Variants in KCNT2 observed in about 807,000 individuals in gnomAD.
KCNT2 encodes the protein potassium sodium-activated channel subfamily T member 2.
A neutral mutation model predicts 153.8 loss-of-function variants in KCNT2; 67 were observed. The observed-to-expected ratio is 0.44, with a 90% CI of 0.36 to 0.53. The LOEUF (loss-of-function observed/expected upper bound fraction) is 0.53. Ranked by LOEUF, KCNT2 falls within the 20% of genes least tolerant of loss-of-function variation. The pLI, the probability that KCNT2 is intolerant of heterozygous loss-of-function variation, is 0.00. For missense variants in KCNT2, 975 were observed against 1,354.8 expected (o/e 0.72, Z 4.40); for synonymous variants, 500 against 458.8 (o/e 1.09, Z -1.15).
intron 9 of KCNT2, among the ~76,000 whole-genome samples, 188 bp from the exon 10 acceptor site, chr1:196,428,457 A>T (rs1256477768): frequency 6.6e-6 from 1 of 152,070 alleles, no homozygotes; most frequent in Non-Finnish European, 1.5e-5. Flanking sequence ...AATGTCTCCC[A>T]GGGGCTTCGG....
chr1:196,304,705 T>C (rs1408374043), intron 22 of KCNT2, among the ~76,000 whole-genome samples: 1 of 152,172 alleles, frequency 6.6e-6, no homozygotes, highest in Non-Finnish European at 1.5e-5. Context: ...AATTCCATTG[T>C]CTCTATTAGC....
intron 8 of KCNT2, among the ~76,000 whole-genome samples, chr1:196,461,093 T>A (rs912946708): frequency 1.4e-4 from 21 of 151,748 alleles, no homozygotes; most frequent in African/African-American, 5.1e-4. Context: ...TTAGACCATG[T>A]TGTAATTCTT....
chr1:196,277,764 A>G (rs1000297167), intron 25 of KCNT2, among the ~76,000 whole-genome samples: 8 of 152,148 alleles, frequency 5.3e-5, no homozygotes, highest in Non-Finnish European at 7.4e-5. Context: ...ATCATTTCAT[A>G]TTTGAGAGAC....
At chr1:196,242,701 G>A (rs1655066283) in intron 26 of KCNT2, among the ~76,000 whole-genome samples, 1 of 152,094 alleles carries the variant, frequency 6.6e-6, no homozygotes, top group African/African-American at 2.4e-5. Flanking sequence ...TGAGGACACA[G>A]CAATGAACAA....
At chr1:196,492,144 G>T in intron 2 of KCNT2, 118 bp downstream of exon 2, 1 of 1,050,608 alleles carries the variant, frequency 9.5e-7, no homozygotes, top group Non-Finnish European at 1.3e-6. Context: ...ACCACCTGCT[G>T]GAAAAAATAA....
intron 12 of KCNT2, among the ~76,000 whole-genome samples, chr1:196,418,203 C>A (rs930119518): frequency 6.6e-6 from 1 of 152,016 alleles, no homozygotes; most frequent in Non-Finnish European, 1.5e-5. Flanking sequence ...TGGCTGGGCA[C>A]GGTGGCTCAC....
At chr1:196,493,550 A>AT (rs547008997) in intron 1 of KCNT2, among the ~76,000 whole-genome samples, 255 of 152,058 alleles carry the variant, frequency 1.7e-3, no homozygotes, top group South Asian at 5.6e-3. Context: ...GCAACAGGGC[A>AT]TTTTTTTTAA....
At chr1:196,290,290 C>A (rs910558576) in intron 22 of KCNT2, among the ~76,000 whole-genome samples, 7 of 152,012 alleles carry the variant, frequency 4.6e-5, no homozygotes, top group Non-Finnish European at 8.8e-5. Flanking sequence ...AATTCTGGAG[C>A]TCTGTCTTTT....
chr1:196,289,492 A>T (rs1209554256), intron 22 of KCNT2, among the ~76,000 whole-genome samples: 2 of 152,048 alleles, frequency 1.3e-5, no homozygotes, highest in Non-Finnish European at 2.9e-5. Flanking sequence ...AAAATAAATA[A>T]ATTTTTTCTA....
chr1:196,555,205 A>G (rs903421699), intron 1 of KCNT2, among the ~76,000 whole-genome samples: 7 of 151,182 alleles, frequency 4.6e-5, no homozygotes, highest in Non-Finnish European at 7.4e-5. Context: ...CATTATCCTT[A>G]TTTGCAGATG....
chr1:196,267,784 C>T (rs1166074007), intron 25 of KCNT2, among the ~76,000 whole-genome samples: 1 of 152,094 alleles, frequency 6.6e-6, no homozygotes, highest in African/African-American at 2.4e-5. Context: ...AAAGCATCAC[C>T]CTGCAAGTCT....
At chr1:196,411,489 G>A (rs1672333422) in intron 12 of KCNT2, among the ~76,000 whole-genome samples, 2 of 143,656 alleles carry the variant, frequency 1.4e-5, no homozygotes, top group African/African-American at 2.5e-5. Flanking sequence ...AGATTCTGAT[G>A]GAAATAGTGA....
chr1:196,338,412 TA>T (rs1450762603), intron 16 of KCNT2, among the ~76,000 whole-genome samples: 5 of 152,196 alleles, frequency 3.3e-5, no homozygotes, highest in African/African-American at 1.2e-4. Flanking sequence ...ATTTATTTTC[TA>T]AACTAGGATA....
At chr1:196,412,148 T>G (rs1239949023) in intron 12 of KCNT2, among the ~76,000 whole-genome samples, 1 of 151,786 alleles carries the variant, frequency 6.6e-6, no homozygotes, top group East Asian at 1.9e-4. Context: ...TGATTCAATT[T>G]ACAATGCCTG....
At chr1:196,482,951 T>C (rs983680023) in intron 3 of KCNT2, among the ~76,000 whole-genome samples, 1 of 152,154 alleles carries the variant, frequency 6.6e-6, no homozygotes, top group Non-Finnish European at 1.5e-5. Context: ...TAAAAAGGCT[T>C]ATGCTCTGGA....
At chr1:196,404,270 C>T (rs1291192071) in intron 12 of KCNT2, 3 of 170,102 alleles carry the variant, frequency 1.8e-5, no homozygotes, top group African/African-American at 7.2e-5. Flanking sequence ...GGCAACAGCT[C>T]CCCAGTCAGC....
chr1:196,597,326 A>T (rs1439784163), intron 1 of KCNT2, among the ~76,000 whole-genome samples: 1 of 152,066 alleles, frequency 6.6e-6, no homozygotes, highest in Non-Finnish European at 1.5e-5. Context: ...TACACTGTAC[A>T]CAATATAATA....
intron 1 of KCNT2, among the ~76,000 whole-genome samples, chr1:196,607,470 C>T (rs1172704760): frequency 6.6e-6 from 1 of 152,122 alleles, no homozygotes; most frequent in Non-Finnish European, 1.5e-5. Context: ...ATTTTGCTAA[C>T]AATAAATATT....
intron 13 of KCNT2, among the ~76,000 whole-genome samples, chr1:196,392,856 C>T (rs1437497951): frequency 9.2e-5 from 14 of 151,416 alleles, no homozygotes; most frequent in Non-Finnish European, 1.8e-4. Flanking sequence ...TGTGACATTG[C>T]TAAAAATACA....
Sources: allele counts gnomAD v4.1 joint callset (sites outside exome capture counted in the v4.1 genomes callset), GRCh38; gene constraint gnomAD v4.1.1; transcripts MANE v1.5; gene names NCBI Gene and HGNC (gene_info 2026-07-23, HGNC 2026-07-21).